Variants in CGNL1 observed in about 807,000 individuals in gnomAD.
The protein encoded by CGNL1 is cingulin-like protein 1.
Under a neutral mutation model 141.2 loss-of-function variants are expected in CGNL1, and 132 were observed. The ratio of observed to expected loss-of-function variants is 0.93; its 90% CI spans 0.81 to 1.08. CGNL1 has a LOEUF of 1.08. CGNL1 is among the 50% of genes least tolerant of loss of function. CGNL1 has a pLI of 0.00. For synonymous variants in CGNL1, 690 were observed against 622.1 expected, an observed-to-expected ratio of 1.11 and a Z score of -1.63; for missense variants, 1,870 against 1,588.6, an observed-to-expected ratio of 1.18 and a Z score of -3.01.
Position 57,442,395 on chromosome 15 carries a change from A to G in CGNL1, c.1720A>G (p.Thr574Ala). The G allele has an allele frequency of 1.2e-6, 2 of 1,612,578 alleles. No individual in the cohort carries two copies. The highest frequency in any genetic ancestry group is 1.7e-6 in the Non-Finnish European group (2 of 1,178,782). Residue 574 changes from threonine to alanine, a missense_variant, in exon 4 of 19, where the codon ACT (threonine) becomes GCT (alanine). Thr to Ala is a moderately conservative substitution (Grantham distance 58, BLOSUM62 0). Transcript: ENST00000281282. ...CAGAAGCACTGATAATGACGATGCT[A>G]CTAAAAGGAAAGTCAACTTGGTCTT... ...KEGSTDNDDA[T>A]KRKVNLVFEK...
At chr15:57,533,477 A>G (rs573710120) in intron 14 of CGNL1, among the ~76,000 whole-genome samples, 56 of 152,320 alleles carry the variant, frequency 3.7e-4, no homozygotes, top group Non-Finnish European at 7.4e-4. Flanking sequence ...AGGATCCGCT[A>G]AACATTCACA....
chr15:57,389,979 C>T (rs2062524638), intron 1 of CGNL1, among the ~76,000 whole-genome samples: 1 of 152,166 alleles, frequency 6.6e-6, no homozygotes, highest in Non-Finnish European at 1.5e-5. Flanking sequence ...CCACACCCAG[C>T]TAATTGTTAT....
intron 8 of CGNL1, among the ~76,000 whole-genome samples, chr15:57,468,234 C>CTTTTTTTTTTTTTTTTTTTTTTTTT (rs57360097): frequency 1.2e-5 from 1 of 85,914 alleles, no homozygotes; most frequent in Admixed American, 1.5e-4. Context: ...TTTTCTTTTT[C>CTTTTTTTTTTTTTTTTTTTTTTTTT]TTTTTTTTTT....
In CGNL1 at chr15:57,518,379, G is replaced by C. The variant is rs761350142; in HGVS notation, c.2611-14G>C. ...ACACATCTAAGTGCACACTGACCCA[G>C]TGTTTCATTGTAGGGAGAAATACGA... On this transcript the variant is annotated splice_polypyrimidine_tract_variant and intron_variant, in intron 9 of 18. Coordinates refer to ENST00000281282, the MANE Select transcript of CGNL1 (RefSeq NM_032866.5). 1.3e-6 allele frequency: 2 copies of C among 1,583,054 alleles called. No homozygotes were observed. The highest frequency in any genetic ancestry group is 2.2e-5 in the East Asian group (1 of 44,686).
At chr15:57,488,021 A>G (rs750330765) in intron 8 of CGNL1, among the ~76,000 whole-genome samples, 48 of 152,320 alleles carry the variant, frequency 3.2e-4, no homozygotes, top group Admixed American at 1.7e-3. Flanking sequence ...TCCCCTAGTA[A>G]TGCCTGAGGG....
intron 12 of CGNL1, 124 bp from the exon 13 acceptor site, chr15:57,528,530 A>T: frequency 1.1e-6 from 1 of 921,520 alleles, no homozygotes; most frequent in East Asian, 2.5e-5. Context: ...AGGTCTTCTG[A>T]TCTCCCATAT....
At position 57,438,754 on chromosome 15, in the gene CGNL1, C is replaced by T. The variant is rs533182853; in HGVS notation, c.755C>T (p.Thr252Ile). 3.4e-4 allele frequency: 541 copies of T among 1,614,194 alleles called. 7 individuals carry two copies. The South Asian group carries it at 5.7e-3, about 17-fold the overall frequency. ...KERVGEEALF[T>I]SGRPLTAHSP... The stretch of plus-strand genomic sequence containing the variant: ...AGGGTGGGAGAGGAGGCCCTTTTCA[C>T]TAGCGGGAGGCCCCTGACTGCCCAC... Residue 252 changes from threonine to isoleucine, a missense_variant, in exon 2 of 19, where the codon ACT (threonine) becomes ATT (isoleucine). Thr to Ile is a moderately conservative substitution (Grantham distance 89). Transcript: ENST00000281282.
At chr15:57,442,868 G>A (rs563213891) in intron 4 of CGNL1, among the ~76,000 whole-genome samples, 4 of 152,226 alleles carry the variant, frequency 2.6e-5, no homozygotes, top group African/African-American at 9.6e-5. Context: ...ATCCACTCAC[G>A]TTGGCCTCCC....
At chr15:57,423,863 G>A (rs980254178) in intron 1 of CGNL1, among the ~76,000 whole-genome samples, 1 of 152,180 alleles carries the variant, frequency 6.6e-6, no homozygotes, top group African/African-American at 2.4e-5. Flanking sequence ...TGGAATCCAC[G>A]ATTCTGCATC....
chr15:57,447,597 G>A (rs867480985), intron 4 of CGNL1, among the ~76,000 whole-genome samples: 2 of 151,986 alleles, frequency 1.3e-5, no homozygotes, highest in Non-Finnish European at 2.9e-5. Flanking sequence ...GCCTAAGAGT[G>A]GTTTTTCTTT....
chr15:57,418,937 T>TA (rs2062882059), intron 1 of CGNL1, among the ~76,000 whole-genome samples: 2 of 152,074 alleles, frequency 1.3e-5, no homozygotes, highest in African/African-American at 4.8e-5. Context: ...TGGTGCCTTT[T>TA]TTTTTTTTGA....
intron 14 of CGNL1, among the ~76,000 whole-genome samples, chr15:57,537,308 A>G (rs546900275): frequency 1.3e-5 from 2 of 152,326 alleles, no homozygotes; most frequent in Admixed American, 1.3e-4. Flanking sequence ...ATTAAATGCC[A>G]GTGATAGAGT....
chr15:57,448,726 C>A (rs1245036133), intron 4 of CGNL1, among the ~76,000 whole-genome samples: 1 of 151,670 alleles, frequency 6.6e-6, no homozygotes, highest in African/African-American at 2.4e-5. Context: ...ATTTGTAGTC[C>A]TTATCTGTTA....
chr15:57,524,586 A>C lies in CGNL1; in HGVS notation c.2874A>C (p.Ala958=). 6 of 1,612,386 alleles carry C rather than the reference A, an allele frequency of 3.7e-6. No individual in the cohort carries two copies. Among genetic ancestry groups the C allele is most frequent in the Non-Finnish European group, 5.1e-6 (6 of 1,179,450 alleles). Residue 958 remains alanine, a synonymous_variant, in exon 12 of 19, where the codon GCA becomes GCC. Transcript: ENST00000281282. ...ACCCGTGTCACTTCTTCTAGATGGC[A>C]GACATTGTTGAGGCCTCCCGTACCT... ...KTIEKLQKEM[A]DIVEASRTST...
At chr15:57,465,475 C>A (rs930862107) in intron 8 of CGNL1, among the ~76,000 whole-genome samples, 3 of 149,548 alleles carry the variant, frequency 2.0e-5, no homozygotes, top group Non-Finnish European at 3.0e-5. Context: ...ATTGCAACCT[C>A]CACCTCCTGG....
chr15:57,438,898 C>T lies in CGNL1; in HGVS notation c.899C>T (p.Ser300Phe), dbSNP rs746037061. The T allele has an allele frequency of 6.2e-7, 1 of 1,614,192 alleles. No homozygotes were observed. The highest frequency in any genetic ancestry group is 8.5e-7 in the Non-Finnish European group (1 of 1,180,026). ...GARSRRSSSS[S>F]TTPTSANSLY... The stretch of plus-strand genomic sequence containing the variant: ...CGGTCCCGGAGGTCCTCCTCGTCAT[C>T]CACAACTCCCACGTCAGCCAACTCT... Residue 300 changes from serine to phenylalanine, a missense_variant, in exon 2 of 19, where the codon TCC becomes TTC. Coordinates refer to ENST00000281282, the MANE Select transcript of CGNL1 (RefSeq NM_032866.5).
At chr15:57,383,384 C>A (rs1023125975) in intron 1 of CGNL1, among the ~76,000 whole-genome samples, 1 of 149,688 alleles carries the variant, frequency 6.7e-6, no homozygotes, top group South Asian at 2.1e-4. Flanking sequence ...CCACAACCTC[C>A]GCCTCCTGCA....
intron 1 of CGNL1, among the ~76,000 whole-genome samples, chr15:57,432,818 C>T (rs552060868): frequency 1.3e-5 from 2 of 152,280 alleles, no homozygotes; most frequent in South Asian, 4.1e-4. Context: ...GGTTTGTTGT[C>T]AAGGAAATGT....
At chr15:57,414,920 G>A (rs1292786482) in intron 1 of CGNL1, among the ~76,000 whole-genome samples, 1 of 152,160 alleles carries the variant, frequency 6.6e-6, no homozygotes, top group African/African-American at 2.4e-5. Context: ...CACAGGCTTT[G>A]GGGGTGAGAG....
Sources: gnomAD v4.1 joint callset for allele counts (sites outside exome capture counted in the v4.1 genomes callset) on GRCh38, gnomAD v4.1.1 for gene constraint, MANE v1.5 for transcripts, NCBI Gene and HGNC (gene_info 2026-07-23, HGNC 2026-07-21) for gene names.